PCDHGB5: variants seen among roughly 807,000 people sequenced by gnomAD.
PCDHGB5 encodes protocadherin gamma-B5.
A neutral mutation model predicts 62.9 loss-of-function variants in PCDHGB5; 48 were observed. That is an observed-to-expected ratio of 0.76 (90% CI 0.61 to 0.97). The LOEUF is 0.97. Among genes scored for constraint, PCDHGB5 ranks in the 50% least tolerant of loss-of-function variants. The pLI is 0.00. For missense variants in PCDHGB5, 1,118 were observed against 1,198.6 expected (o/e 0.93, Z 0.99); for synonymous variants, 474 against 511.2 (o/e 0.93, Z 0.98).
chr5:141,448,912 T>C (rs1195715286), intron 1 of PCDHGB5, among the ~76,000 whole-genome samples: 1 of 152,152 alleles, frequency 6.6e-6, no homozygotes, highest in Non-Finnish European at 1.5e-5. Flanking sequence ...GCCACTGCAC[T>C]CCAGCCTGGG....
intron 1 of PCDHGB5, among the ~76,000 whole-genome samples, chr5:141,447,378 T>C (rs2098536967): frequency 6.6e-6 from 1 of 152,148 alleles, no homozygotes; most frequent in Non-Finnish European, 1.5e-5. Context: ...ACCCTGGTGA[T>C]CTGCCCACCT....
At chr5:141,503,814 T>C (rs539980053) in intron 2 of PCDHGB5, among the ~76,000 whole-genome samples, 2 of 152,100 alleles carry the variant, frequency 1.3e-5, no homozygotes, top group East Asian at 3.9e-4. Flanking sequence ...GAATCCCAGA[T>C]TGGGCAAAAC....
chr5:141,476,556 C>G lies in PCDHGB5; in HGVS notation c.2398-18251C>G. On this transcript the variant is annotated intron_variant, in intron 1 of 3. Transcript: ENST00000617380. This position sits in a 1 kb window ranked among gnomAD's most constrained non-coding sequence, Gnocchi z 7.6. ...GAAATGAAATTGGAGATTAGCGAGG[C>G]CGTGGCTCCGGGGACGCGCTTTCCG... The G allele has an allele frequency of 6.2e-7, 1 of 1,614,234 alleles. No homozygotes were observed. The highest frequency in any genetic ancestry group is 8.5e-7 in the Non-Finnish European group (1 of 1,180,036).
rs556415227 is a variant in PCDHGB5, at chr5:141,476,903, G to A, written c.2398-17904G>A. ...GGAGGATGCACCCTCCGGCACGCGC[G>A]TGGTACAAGTCCTTGCAACGGATCT... On this transcript the variant is annotated intron_variant, in intron 1 of 3. Transcript: ENST00000617380. This position sits in a 1 kb window ranked among gnomAD's most constrained non-coding sequence, Gnocchi z 7.6. The A allele has an allele frequency of 1.4e-5, 22 of 1,614,018 alleles. No homozygotes were observed. In the African/African-American group the frequency reaches 1.7e-4, roughly 13 times the overall value.
At chr5:141,434,431 T>C (rs931458644) in intron 1 of PCDHGB5, among the ~76,000 whole-genome samples, 2 of 152,186 alleles carry the variant, frequency 1.3e-5, no homozygotes, top group African/African-American at 2.4e-5. Context: ...ATGATGGCCG[T>C]AATGCCCATG....
intron 1 of PCDHGB5, among the ~76,000 whole-genome samples, chr5:141,458,101 G>C (rs530847477): frequency 3.3e-5 from 5 of 152,200 alleles, no homozygotes; most frequent in Non-Finnish European, 7.4e-5. Flanking sequence ...AGTACTTACA[G>C]ATAGTCTCCA....
intron 1 of PCDHGB5, chr5:141,408,402 G>A: frequency 1.2e-6 from 2 of 1,614,052 alleles, no homozygotes; most frequent in Non-Finnish European, 1.7e-6. Context: ...CGCAAGCTGC[G>A]AGTGAGCGCG....
chr5:141,445,708 G>A (rs2098475030), intron 1 of PCDHGB5, among the ~76,000 whole-genome samples: 1 of 152,168 alleles, frequency 6.6e-6, no homozygotes, highest in African/African-American at 2.4e-5. Flanking sequence ...AAATTGTCAG[G>A]CAGAGGAAAT....
Position 141,491,886 on chromosome 5 carries a change from G to A in PCDHGB5, c.2398-2921G>A. On this transcript the variant is annotated intron_variant, in intron 1 of 3. Coordinates refer to ENST00000617380, the MANE Select transcript of PCDHGB5 (RefSeq NM_018925.3). The surrounding 1 kb of genome is among the most constrained non-coding windows in gnomAD (Gnocchi z 6.9). ...CCAGAGTGGCCGATTAAGGGATGGG[G>A]CTCCGAGCACCGGGGGTGGTGGCGA... 6.9e-7 allele frequency: 1 copy of A among 1,445,558 alleles called. No individual in the cohort carries two copies. Among genetic ancestry groups the A allele is most frequent in the Non-Finnish European group, 9.1e-7 (1 of 1,093,458 alleles). 89.5% of individuals were successfully genotyped at this position (1,445,558 alleles called of 1,614,324 possible). A position where few individuals can be genotyped will look rare whatever the true frequency, so the allele number is the denominator to read the frequency against.
At chr5:141,492,312 C>T (rs1470136040) in intron 1 of PCDHGB5, among the ~76,000 whole-genome samples, 2 of 152,348 alleles carry the variant, frequency 1.3e-5, no homozygotes, top group African/African-American at 4.8e-5. Flanking sequence ...CGCACGCACT[C>T]CTCGCACGTG....
At chr5:141,445,768 T>A (rs2098476928) in intron 1 of PCDHGB5, among the ~76,000 whole-genome samples, 1 of 152,074 alleles carries the variant, frequency 6.6e-6, no homozygotes, top group Admixed American at 6.6e-5. Context: ...CTCAAGCAAT[T>A]TAAAAGGGCT....
intron 1 of PCDHGB5, among the ~76,000 whole-genome samples, chr5:141,461,391 G>A (rs1310387476): frequency 1.3e-5 from 2 of 152,058 alleles, no homozygotes; most frequent in East Asian, 1.9e-4. Context: ...GATGATTAGC[G>A]ATGTTGAGCA....
Position 141,400,486 on chromosome 5 carries a change from CT to C in PCDHGB5, c.2362del (p.Cys788ValfsTer55). ...CGDSSGALFPLCNSSESTSHP... is the reference protein window; with the variant it reads ...CGDSSGALFPXCNSSESTSHP... Reference sequence around the variant, plus strand: ...TGATTCATCTGGGGCCTTATTTCCACTTTGTAATTCCAGCGAGTCGACTTCC... The same window carrying C: ...TGATTCATCTGGGGCCTTATTTCCACTTGTAATTCCAGCGAGTCGACTTCC... On this transcript the variant is annotated frameshift_variant, in exon 1 of 4. Transcript: ENST00000617380. LOFTEE classifies it high-confidence loss of function. The C allele has an allele frequency of 1.2e-6, 2 of 1,614,034 alleles. No homozygotes were observed. Among genetic ancestry groups the C allele is most frequent in the African/African-American group, 1.3e-5 (1 of 75,072 alleles).
chr5:141,457,949 C>G (rs2098933653), intron 1 of PCDHGB5, among the ~76,000 whole-genome samples: 1 of 152,192 alleles, frequency 6.6e-6, no homozygotes. Flanking sequence ...CTCTGCATGT[C>G]AAGCTTGATT....
Position 141,431,548 on chromosome 5 carries a change from A to G in PCDHGB5, c.2397+31024A>G, listed in dbSNP as rs1357844542. 2 of 1,614,136 alleles carry G rather than the reference A, an allele frequency of 1.2e-6. No individual in the cohort carries two copies. Among genetic ancestry groups the G allele is most frequent in the Admixed American group, 1.7e-5 (1 of 60,030 alleles). On this transcript the variant is annotated intron_variant, in intron 1 of 3. Coordinates refer to ENST00000617380, the MANE Select transcript of PCDHGB5 (RefSeq NM_018925.3). This position sits in a 1 kb window ranked among gnomAD's most constrained non-coding sequence, Gnocchi z 4.8. ...TGGCCTTGGGCACGCAGCTGCTTGT[A>G]GTCAACGCTACCGACCCTGACGAAG... is the stretch of plus-strand genomic sequence containing the variant.
At chr5:141,478,765 C>T in intron 1 of PCDHGB5, 1 of 1,508,614 alleles carries the variant, frequency 6.6e-7, no homozygotes, top group Non-Finnish European at 8.9e-7. Context: ...AGATACTTGA[C>T]TCATCTGTGG....
chr5:141,418,330 A>C (rs1346623372), intron 1 of PCDHGB5: 2 of 1,613,922 alleles, frequency 1.2e-6, no homozygotes, highest in Admixed American at 1.7e-5. Flanking sequence ...TTGAGTCTGC[A>C]GAAGATCCTG....
chr5:141,400,650 C>T, intron 1 of PCDHGB5, 126 bp downstream of exon 1: 13 of 1,174,166 alleles, frequency 1.1e-5, no homozygotes, highest in Non-Finnish European at 1.6e-5. Context: ...AGAAAGCTGT[C>T]CTACCATTCT....
chr5:141,407,047 T>C (rs75652968), intron 1 of PCDHGB5, among the ~76,000 whole-genome samples: 6,428 of 152,316 alleles, frequency 0.042, 220 homozygotes, highest in African/African-American at 0.092. Flanking sequence ...GATCCATAGA[T>C]ACACTGATGA....
Sources: gnomAD v4.1 joint callset for allele counts (sites outside exome capture counted in the v4.1 genomes callset) on GRCh38, gnomAD v4.1.1 for gene constraint, Gnocchi (gnomAD v3.1) non-coding constraint, MANE v1.5 for transcripts, NCBI Gene and HGNC (gene_info 2026-07-23, HGNC 2026-07-21) for gene names.